FAM153A: variants seen among roughly 807,000 people sequenced by gnomAD.
The protein encoded by FAM153A is protein FAM153A.
Under a neutral mutation model 48.1 loss-of-function variants are expected in FAM153A, and 12 were observed. The ratio of observed to expected loss-of-function variants is 0.25; its 90% CI spans 0.16 to 0.40. The LOEUF (loss-of-function observed/expected upper bound fraction) is 0.40. Ranked by LOEUF, FAM153A falls within the 10% of genes least tolerant of loss-of-function variation. FAM153A has a pLI of 1.00. For missense variants in FAM153A, 111 were observed against 345.8 expected, an observed-to-expected ratio of 0.32 and a Z score of 5.38; for synonymous variants, 36 against 118.2, an observed-to-expected ratio of 0.30 and a Z score of 4.51.
downstream of FAM153A, among the ~76,000 whole-genome samples, chr5:177,719,550 C>G (rs1760687029): frequency 6.7e-6 from 1 of 150,142 alleles, no homozygotes; most frequent in Admixed American, 6.6e-5. Context: ...CAGTCATGGT[C>G]TAAGCTGGCA....
chr5:177,695,755 T>G, the FAM153A span, among the ~76,000 whole-genome samples: 1 of 150,988 alleles, frequency 6.6e-6, no homozygotes, highest in African/African-American at 2.5e-5. Flanking sequence ...GGCCTGTTCT[T>G]GATGGTCGCT....
At chr5:177,695,461 C>T in the FAM153A span, among the ~76,000 whole-genome samples, 1 of 152,038 alleles carries the variant, frequency 6.6e-6, no homozygotes, top group East Asian at 1.9e-4. Context: ...GGTGATGACA[C>T]TTAACGAGCA....
the FAM153A span, among the ~76,000 whole-genome samples, chr5:177,695,910 A>AT: frequency 2.0e-4 from 23 of 113,258 alleles, no homozygotes; most frequent in African/African-American, 9.2e-4. Flanking sequence ...CACTTCCCAG[A>AT]CAGGGTGGCC....
At chr5:177,705,841 G>A (rs1400627440), downstream of FAM153A, among the ~76,000 whole-genome samples, 1 of 151,068 alleles carries the variant, frequency 6.6e-6, no homozygotes, top group African/African-American at 2.5e-5. Context: ...TGTATTTTTA[G>A]TGGAGACGGG....
At chr5:177,701,141 A>G in the FAM153A span, among the ~76,000 whole-genome samples, 1 of 151,804 alleles carries the variant, frequency 6.6e-6, no homozygotes, top group Non-Finnish European at 1.5e-5. Flanking sequence ...ACCATGTGAG[A>G]TGCCTTGCTC....
At chr5:177,736,699 G>T (rs1764715060) in intron 11 of FAM153A, 90 bp from the exon 14 acceptor site, 1 of 1,419,112 alleles carries the variant, frequency 7.0e-7, no homozygotes, top group Non-Finnish European at 9.4e-7. Context: ...TAAAAAAACA[G>T]ATGGTAAATA....
chr5:177,700,519 G>T, the FAM153A span, among the ~76,000 whole-genome samples: 1 of 151,860 alleles, frequency 6.6e-6, no homozygotes, highest in Non-Finnish European at 1.5e-5. Flanking sequence ...AAACTCAGTT[G>T]TGGCTGGGCG....
chr5:177,705,658 C>CTTTTTTTTTTTTTTT (rs70994931), downstream of FAM153A, among the ~76,000 whole-genome samples: 2 of 79,822 alleles, frequency 2.5e-5, no homozygotes, highest in Admixed American at 1.7e-4. Context: ...TTTTCTTTTT[C>CTTTTTTTTTTTTTTT]TTTTTTTTTT....
chr5:177,711,943 G>A (rs373419548), exon 27 of FAM153A: 4 of 151,866 alleles, frequency 2.6e-5, no homozygotes, highest in East Asian at 1.9e-4. Flanking sequence ...CAAGAATAAC[G>A]GAAAGCTGAC....
chr5:177,709,157 T>A (rs1758149791), downstream of FAM153A, among the ~76,000 whole-genome samples: 1 of 121,740 alleles, frequency 8.2e-6, no homozygotes, highest in South Asian at 2.9e-4. Flanking sequence ...GTTTTGTCAC[T>A]CAAGAGCATC....
downstream of FAM153A, among the ~76,000 whole-genome samples, chr5:177,703,095 A>G (rs1455668177): frequency 2.0e-5 from 3 of 152,174 alleles, no homozygotes; most frequent in Non-Finnish European, 4.4e-5. Flanking sequence ...TAGATCCACC[A>G]GCAGCTTGCA....
upstream of FAM153A, chr5:177,753,234 C>T (rs765110226): frequency 1.9e-6 from 3 of 1,600,574 alleles, no homozygotes; most frequent in East Asian, 2.2e-5. Context: ...AACTAAGCTG[C>T]GTTTACTGCC....
chr5:177,759,051 G>A, intron 1 of FAM153A, among the ~76,000 whole-genome samples: 1 of 151,736 alleles, frequency 6.6e-6, no homozygotes, highest in Non-Finnish European at 1.5e-5. Context: ...TACAGAATGG[G>A]AGAAAAATTT....
At chr5:177,695,911 C>G in the FAM153A span, among the ~76,000 whole-genome samples, 23 of 109,844 alleles carry the variant, frequency 2.1e-4, no homozygotes, top group African/African-American at 9.5e-4. Context: ...ACTTCCCAGA[C>G]AGGGTGGCCG....
At chr5:177,719,547 G>A (rs975445644), downstream of FAM153A, among the ~76,000 whole-genome samples, 1 of 150,232 alleles carries the variant, frequency 6.7e-6, no homozygotes, top group African/African-American at 2.5e-5. Context: ...TCTCAGTCAT[G>A]GTCTAAGCTG....
chr5:177,754,278 G>A (rs557261020), upstream of FAM153A, among the ~76,000 whole-genome samples: 260 of 152,054 alleles, frequency 1.7e-3, 1 homozygote, highest in Middle Eastern at 6.8e-3. Flanking sequence ...AGGCTGAAGC[G>A]AGGCTGGGGT....
chr5:177,699,710 TAAA>T, the FAM153A span, among the ~76,000 whole-genome samples: 1 of 151,918 alleles, frequency 6.6e-6, no homozygotes, highest in Admixed American at 6.5e-5. Context: ...GAATTAGTAA[TAAA>T]AAATCCTTCC....
downstream of FAM153A, among the ~76,000 whole-genome samples, chr5:177,709,437 T>C (rs1245374625): frequency 2.0e-5 from 3 of 149,274 alleles, no homozygotes; most frequent in African/African-American, 5.0e-5. Context: ...TCTCGGCTCA[T>C]TGCAACCTCC....
intron 4 of FAM153A, among the ~76,000 whole-genome samples, chr5:177,746,632 G>A (rs571203722): frequency 0.018 from 2,636 of 149,552 alleles, 124 homozygotes; most frequent in African/African-American, 0.061. Context: ...TGTGATATTT[G>A]TCCTTCTGCT....
Sources: gnomAD v4.1 joint callset for allele counts (sites outside exome capture counted in the v4.1 genomes callset) on GRCh38, gnomAD v4.1.1 for gene constraint, MANE v1.5 for transcripts, NCBI Gene and HGNC (gene_info 2026-07-23, HGNC 2026-07-21) for gene names.